The following MACROD2 variants were observed in gnomAD, a reference collection of about 807,000 sequenced individuals.
MACROD2 encodes mono-ADP ribosylhydrolase 2.
Under a neutral mutation model 70.4 loss-of-function variants are expected in MACROD2, and 36 were observed. The ratio of observed to expected loss-of-function variants is 0.51; its 90% CI spans 0.39 to 0.68. The LOEUF (loss-of-function observed/expected upper bound fraction) is 0.68. Among genes scored for constraint, MACROD2 ranks in the 30% least tolerant of loss-of-function variants. The pLI, the probability that MACROD2 is intolerant of heterozygous loss-of-function variation, is 0.00. For missense variants in MACROD2, 496 were observed against 538.4 expected (o/e 0.92, Z 0.78); for synonymous variants, 172 against 178.8 (o/e 0.96, Z 0.30).
chr20:14,920,985 T>C (rs1248155334), intron 5 of MACROD2, among the ~76,000 whole-genome samples: 1 of 152,178 alleles, frequency 6.6e-6, no homozygotes, highest in Non-Finnish European at 1.5e-5. Flanking sequence ...AACCTAGATA[T>C]GTTCCACAAC....
chr20:14,885,605 T>A (rs571546007), intron 5 of MACROD2, among the ~76,000 whole-genome samples: 1 of 152,296 alleles, frequency 6.6e-6, no homozygotes, highest in South Asian at 2.1e-4. Flanking sequence ...CAAATTTGTT[T>A]GCCTGGCTTC....
intron 5 of MACROD2, among the ~76,000 whole-genome samples, chr20:14,875,906 T>A (rs536866955): frequency 5.4e-4 from 83 of 152,306 alleles, no homozygotes; most frequent in African/African-American, 1.8e-3. Context: ...CGTAGATGGA[T>A]TCCATGTCTT....
chr20:14,029,235 A>G (rs1194001384), intron 2 of MACROD2, among the ~76,000 whole-genome samples: 1 of 152,228 alleles, frequency 6.6e-6, no homozygotes, highest in Non-Finnish European at 1.5e-5. Flanking sequence ...CCTCTTCAGT[A>G]GCAACTATAA....
rs149698774 is a variant in MACROD2 at position 15,751,489 on chromosome 20, A to G, written c.646-111256A>G. ...TTCATTGAAGGGTAACATATTTACT[A>G]TTTCCAGGGTTTTGAAATTTTTGTT... On this transcript the variant is annotated intron_variant, in intron 8 of 17. Coordinates refer to ENST00000684519, the MANE Select transcript of MACROD2 (RefSeq NM_001351661.2). 7.2e-3 allele frequency among the ~76,000 whole-genome samples: 1,091 copies of G among 152,148 alleles called. 19 individuals are homozygous for G. Among genetic ancestry groups the G allele is most frequent in the African/African-American group, 0.025 (1,023 of 41,558 alleles).
At chr20:15,732,435 A>G (rs1044066949) in intron 8 of MACROD2, among the ~76,000 whole-genome samples, 8 of 152,176 alleles carry the variant, frequency 5.3e-5, no homozygotes, top group African/African-American at 1.9e-4. Context: ...AAGAATCAAT[A>G]TTCTTTATCA....
intron 3 of MACROD2, 88 bp from the exon 4 acceptor site, chr20:14,493,391 A>C: frequency 1.8e-6 from 2 of 1,112,976 alleles, no homozygotes; most frequent in Non-Finnish European, 2.7e-6. Flanking sequence ...ACATATGATC[A>C]TTATTAGCTT....
intron 4 of MACROD2, among the ~76,000 whole-genome samples, chr20:14,560,308 TACAC>T (rs1232499100): frequency 0.047 from 6,958 of 147,398 alleles, 220 homozygotes; most frequent in African/African-American, 0.087. Flanking sequence ...GTACTTAATG[TACAC>T]ACACACACAC....
chr20:14,195,422 C>T (rs1048482424), intron 3 of MACROD2, among the ~76,000 whole-genome samples: 33 of 152,102 alleles, frequency 2.2e-4, no homozygotes, highest in Admixed American at 7.2e-4. Flanking sequence ...TTCAATGATA[C>T]GGAAGGGGAG....
At chr20:14,749,298 G>T (rs1002095147) in intron 5 of MACROD2, among the ~76,000 whole-genome samples, 3 of 151,942 alleles carry the variant, frequency 2.0e-5, no homozygotes, top group African/African-American at 7.3e-5. Flanking sequence ...AGCAAGTTCT[G>T]TCTGGGCTGC....
intron 3 of MACROD2, among the ~76,000 whole-genome samples, chr20:14,293,958 T>C (rs2082407186): frequency 6.6e-6 from 1 of 151,780 alleles, no homozygotes; most frequent in African/African-American, 2.4e-5. Context: ...GGTGAATGAA[T>C]ATTAGGTTTG....
At chr20:14,588,208 CTCTG>C (rs1981516081) in intron 4 of MACROD2, among the ~76,000 whole-genome samples, 1 of 151,968 alleles carries the variant, frequency 6.6e-6, no homozygotes, top group Admixed American at 6.6e-5. Flanking sequence ...TGGTTTTTCC[CTCTG>C]GTTTTTAAAT....
At chr20:15,328,726 T>C (rs1444787903) in intron 6 of MACROD2, among the ~76,000 whole-genome samples, 2 of 152,268 alleles carry the variant, frequency 1.3e-5, no homozygotes, top group East Asian at 3.9e-4. Flanking sequence ...ATTCCTTAGA[T>C]GCCACTTATT....
At chr20:14,300,589 CT>C (rs2082466390) in intron 3 of MACROD2, among the ~76,000 whole-genome samples, 3 of 152,142 alleles carry the variant, frequency 2.0e-5, no homozygotes, top group African/African-American at 7.2e-5. Context: ...TGGCCAGTCA[CT>C]TATGTTTTTA....
At chr20:15,278,370 C>T (rs948739801) in intron 6 of MACROD2, among the ~76,000 whole-genome samples, 2 of 152,126 alleles carry the variant, frequency 1.3e-5, no homozygotes, top group Non-Finnish European at 2.9e-5. Flanking sequence ...ATGGCTGTTT[C>T]CTGTCTTGAC....
intron 10 of MACROD2, among the ~76,000 whole-genome samples, chr20:15,888,903 C>G (rs6074963): frequency 6.6e-6 from 1 of 152,132 alleles, no homozygotes; most frequent in Non-Finnish European, 1.5e-5. Context: ...GAAGATGAGT[C>G]TAAACCAGCC....
chr20:14,487,943 A>C (rs760197655), intron 3 of MACROD2, among the ~76,000 whole-genome samples: 7 of 152,226 alleles, frequency 4.6e-5, no homozygotes, highest in African/African-American at 7.2e-5. Context: ...AGGATACTAT[A>C]ATATTATAAG....
intron 8 of MACROD2, among the ~76,000 whole-genome samples, chr20:15,803,289 CAA>C (rs1345099108): frequency 1.3e-5 from 2 of 152,016 alleles, no homozygotes; most frequent in Non-Finnish European, 2.9e-5. Context: ...TCCAACACAT[CAA>C]AAAGAGATAC....
At chr20:14,102,560 C>G (rs957472435) in intron 3 of MACROD2, among the ~76,000 whole-genome samples, 7 of 152,128 alleles carry the variant, frequency 4.6e-5, no homozygotes, top group African/African-American at 1.7e-4. Flanking sequence ...AGATCCAACC[C>G]AATTTCCATT....
intron 6 of MACROD2, among the ~76,000 whole-genome samples, chr20:15,306,439 G>T (rs2077698377): frequency 6.6e-6 from 1 of 152,054 alleles, no homozygotes; most frequent in African/African-American, 2.4e-5. Context: ...AGTCCTAAAG[G>T]CAAATACTAT....
Sources: gnomAD v4.1 joint callset for allele counts (sites outside exome capture counted in the v4.1 genomes callset) on GRCh38, gnomAD v4.1.1 for gene constraint, MANE v1.5 for transcripts, NCBI Gene and HGNC (gene_info 2026-07-23, HGNC 2026-07-21) for gene names.